The following PPHLN1 variants were observed in gnomAD, a reference collection of about 807,000 sequenced individuals.
PPHLN1 encodes periphilin 1, also known as periphilin-1.
PPHLN1 carries 29 observed loss-of-function variants against 51.3 expected under a neutral mutation model. The observed-to-expected ratio is 0.57, with a 90% confidence interval of 0.42 to 0.77. PPHLN1 has a LOEUF of 0.77. Among genes scored for constraint, PPHLN1 ranks in the 30% least tolerant of loss-of-function variants. The pLI, the probability that PPHLN1 is intolerant of heterozygous loss-of-function variation, is 0.00. For missense variants in PPHLN1, 436 were observed against 438.4 expected (o/e 0.99, Z 0.05); for synonymous variants, 147 against 147.8 (o/e 0.99, Z 0.04).
chr12:42,363,183 C>T (rs1328650871), intron 4 of PPHLN1, among the ~76,000 whole-genome samples: 1 of 152,116 alleles, frequency 6.6e-6, no homozygotes, highest in Non-Finnish European at 1.5e-5. Flanking sequence ...AATTTATAAC[C>T]TTGTAGGTAA....
At position 42,340,737 on chromosome 12, in the gene PPHLN1, C is replaced by A. The variant is rs191690708; in HGVS notation, c.72+4763C>A. Among the ~76,000 whole-genome samples, 562 of 152,240 alleles carry A rather than the reference C, an allele frequency of 3.7e-3. 4 individuals carry two copies. Among genetic ancestry groups the A allele is most frequent in the Non-Finnish European group, 6.7e-3 (459 of 68,006 alleles). ...ATTCTCTTTCTTAATCTGGGTGGTA[C>A]TTACACCTTGTGAAATTTATCCATT... On this transcript the variant is annotated intron_variant, in intron 2 of 9. Transcript: ENST00000358314.
In PPHLN1 at chr12:42,374,799, AT is replaced by A. The variant is rs1193827178; in HGVS notation, c.300-62del. The A allele has an allele frequency of 6.0e-6, 8 of 1,332,604 alleles. No homozygotes were observed. The African/African-American group carries it at 1.2e-4, about 20-fold the overall frequency. 82.5% of individuals were successfully genotyped at this position (1,332,604 alleles called of 1,614,324 possible). A position where few individuals can be genotyped will look rare whatever the true frequency, so the allele number is the denominator to read the frequency against. Reference sequence around the variant, plus strand: ...GTAGCTTATAAGCAGAGCTTTTGCCATTGTGCTTGTATATAGAGGATAGAGT... The same window carrying A: ...GTAGCTTATAAGCAGAGCTTTTGCCATGTGCTTGTATATAGAGGATAGAGT... On this transcript the variant is annotated intron_variant, in intron 4 of 9. Transcript: ENST00000358314.
At chr12:42,436,211 C>G (rs1442055440) in intron 9 of PPHLN1, among the ~76,000 whole-genome samples, 1 of 152,194 alleles carries the variant, frequency 6.6e-6, no homozygotes, top group Non-Finnish European at 1.5e-5. Context: ...TCTCTTGATT[C>G]TTAATTTTTC....
intron 7 of PPHLN1, among the ~76,000 whole-genome samples, chr12:42,388,378 A>G (rs545552847): frequency 6.6e-6 from 1 of 152,248 alleles, no homozygotes; most frequent in African/African-American, 2.4e-5. Context: ...GAGAAACATA[A>G]ATCTGGCCTA....
intron 2 of PPHLN1, among the ~76,000 whole-genome samples, chr12:42,341,525 T>C (rs1351114489): frequency 1.3e-5 from 2 of 152,230 alleles, no homozygotes; most frequent in Non-Finnish European, 2.9e-5. Context: ...TGTTAAATTA[T>C]ACTTAATTTG....
At chr12:42,377,326 A>G (rs1208327019) in intron 5 of PPHLN1, among the ~76,000 whole-genome samples, 1 of 126,532 alleles carries the variant, frequency 7.9e-6, no homozygotes, top group Admixed American at 9.1e-5. Context: ...TTTTTGTCTG[A>G]GACGGAGTCT....
downstream of PPHLN1, among the ~76,000 whole-genome samples, chr12:42,442,480 T>G (rs1360621592): frequency 6.6e-6 from 1 of 152,244 alleles, no homozygotes; most frequent in African/African-American, 2.4e-5. Context: ...TTGTGTTGGC[T>G]TCAGGCCTTT....
intron 9 of PPHLN1, among the ~76,000 whole-genome samples, chr12:42,434,522 G>T (rs970911779): frequency 1.3e-5 from 2 of 152,168 alleles, no homozygotes; most frequent in African/African-American, 4.8e-5. Flanking sequence ...CTGTGAATTG[G>T]TTTCTGTATT....
chr12:42,446,404 C>A, downstream of PPHLN1: 1 of 1,424,254 alleles, frequency 7.0e-7, no homozygotes, highest in Non-Finnish European at 9.4e-7. Context: ...CAGCGTCTAG[C>A]AGTGTGACTT....
At chr12:42,417,926 TTTTTTGTTTTTTTTTTG>T (rs1224290266) in intron 9 of PPHLN1, among the ~76,000 whole-genome samples, 1 of 79,612 alleles carries the variant, frequency 1.3e-5, no homozygotes, top group Non-Finnish European at 2.8e-5. Flanking sequence ...CCTAGTTTTT[TTTTTTGTTTTTTTTTTG>T]TTTTTTTTTT....
downstream of PPHLN1, chr12:42,447,757 A>G (rs1313837637): frequency 2.0e-5 from 3 of 152,204 alleles, no homozygotes; most frequent in Admixed American, 6.5e-5. Flanking sequence ...ATTATATTAA[A>G]AGAGGAAGTA....
At position 42,406,183 on chromosome 12, in the gene PPHLN1, A is replaced by G. The variant is rs915301266; in HGVS notation, c.909+7189A>G. On this transcript the variant is annotated intron_variant, in intron 9 of 9. Coordinates refer to ENST00000358314, the MANE Select transcript of PPHLN1 (RefSeq NM_201439.2). Reference sequence around the variant, plus strand: ...ACTGCAAACTCCACCTTCCGGGTTCATGCCATTCTCCTGCCTCAGCCTCCC... The same window carrying G: ...ACTGCAAACTCCACCTTCCGGGTTCGTGCCATTCTCCTGCCTCAGCCTCCC... Among the ~76,000 whole-genome samples the G allele has an allele frequency of 4.0e-5, 6 of 149,824 alleles. No homozygotes were observed. In the Admixed American group the frequency reaches 4.1e-4, roughly 10 times the overall value.
chr12:42,396,648 A>AAAAAAAAT (rs2078238824), intron 8 of PPHLN1, among the ~76,000 whole-genome samples: 1 of 119,842 alleles, frequency 8.3e-6, no homozygotes, highest in Non-Finnish European at 1.7e-5. Context: ...AAAAAAAAAA[A>AAAAAAAAT]GCTGGGTGTG....
chr12:42,327,450 CT>C (rs2068971828), intron 1 of PPHLN1, among the ~76,000 whole-genome samples: 1 of 152,184 alleles, frequency 6.6e-6, no homozygotes, highest in Admixed American at 6.5e-5. Context: ...CCTCAGAATA[CT>C]TTCTTCCCTC....
chr12:42,398,174 C>T (rs1266614888), intron 8 of PPHLN1, among the ~76,000 whole-genome samples: 1 of 152,014 alleles, frequency 6.6e-6, no homozygotes, highest in Non-Finnish European at 1.5e-5. Flanking sequence ...CCCACCTGAC[C>T]GTTTTAGACA....
In PPHLN1 at chr12:42,420,334, G is replaced by T. The variant is rs200577089; in HGVS notation, c.910-20981G>T. ...AGAGTGTGTGTATACTTTTTTTTTT[G>T]AAAAAGACAATATAAATAGGTTTTT... On this transcript the variant is annotated intron_variant, in intron 9 of 9. Coordinates refer to ENST00000358314, the MANE Select transcript of PPHLN1 (RefSeq NM_201439.2). Among the ~76,000 whole-genome samples the T allele has an allele frequency of 3.5e-5, 5 of 143,842 alleles. No individual in the cohort carries two copies. In the South Asian group the frequency reaches 6.7e-4, roughly 19 times the overall value. 94.4% of individuals were successfully genotyped at this position (143,842 alleles called of 152,430 possible).
chr12:42,380,602 AT>A (rs2076676125), intron 5 of PPHLN1, among the ~76,000 whole-genome samples: 1 of 152,122 alleles, frequency 6.6e-6, no homozygotes, highest in South Asian at 2.1e-4. Flanking sequence ...GTCTCCATGA[AT>A]TTTTTGATTA....
chr12:42,382,207 G>A (rs1480386267), intron 5 of PPHLN1, among the ~76,000 whole-genome samples: 1 of 152,166 alleles, frequency 6.6e-6, no homozygotes, highest in Non-Finnish European at 1.5e-5. Context: ...TGAAACTCTT[G>A]CAGAACTTCC....
At chr12:42,328,797 T>G (rs1481600473) in intron 1 of PPHLN1, among the ~76,000 whole-genome samples, 1 of 151,328 alleles carries the variant, frequency 6.6e-6, no homozygotes. Flanking sequence ...GCAACCTCCA[T>G]CTCCCAGGTT....
Sources: allele counts gnomAD v4.1 joint callset (sites outside exome capture counted in the v4.1 genomes callset), GRCh38; gene constraint gnomAD v4.1.1; transcripts MANE v1.5; gene names NCBI Gene and HGNC (gene_info 2026-07-23, HGNC 2026-07-21).